UVSSA: variants seen among roughly 807,000 people sequenced by gnomAD.
UVSSA encodes the protein UV-stimulated scaffold protein A.
UVSSA carries 72 observed loss-of-function variants against 73.9 expected under a neutral mutation model. The ratio of observed to expected loss-of-function variants is 0.97; its 90% CI spans 0.81 to 1.19. The LOEUF (loss-of-function observed/expected upper bound fraction) is 1.19, where lower values mean the gene tolerates loss of function less well. UVSSA is among the 50% of genes most tolerant of loss of function. The probability of loss-of-function intolerance (pLI) is 0.00; values close to 1 mark genes in which losing one functional copy is unlikely to be tolerated. For missense variants in UVSSA, 1,150 were observed against 965.0 expected, an observed-to-expected ratio of 1.19 and a Z score of -2.54; for synonymous variants, 454 against 391.3, an observed-to-expected ratio of 1.16 and a Z score of -1.89.
rs1164718781 is a variant in UVSSA at position 1,386,615 on chromosome 4, C to G, written c.*654C>G. 1 of 152,334 alleles carries G rather than the reference C, an allele frequency of 6.6e-6. No homozygotes were observed. The highest frequency in any genetic ancestry group is 1.9e-4 in the East Asian group (1 of 5,202). 9.4% of individuals were successfully genotyped at this position (152,334 alleles called of 1,614,324 possible). On this transcript the variant is annotated 3_prime_UTR_variant, in exon 14 of 14. Coordinates refer to ENST00000389851, the MANE Select transcript of UVSSA (RefSeq NM_020894.4). Reference sequence around the variant, plus strand: ...ATTGGAGAAGGATACCGAACATCTTCTCGTGGGCTTACTGGCCATTTGTGT... The same window carrying G: ...ATTGGAGAAGGATACCGAACATCTTGTCGTGGGCTTACTGGCCATTTGTGT...
chr4:1,381,127 A>C, intron 12 of UVSSA, 139 bp downstream of exon 12: 1 of 815,210 alleles, frequency 1.2e-6, no homozygotes, highest in Non-Finnish European at 1.9e-6. Context: ...CTCGGTCATA[A>C]CTGGCAGAAT....
chr4:1,393,861 T>C (rs1024075608), exon 14 of UVSSA: 1 of 161,290 alleles, frequency 6.2e-6, no homozygotes, highest in African/African-American at 2.4e-5. Context: ...ACCTTTTGTT[T>C]AGTGTGTGTT....
chr4:1,395,739 G>A (rs1027654191), exon 14 of UVSSA: 2 of 1,614,098 alleles, frequency 1.2e-6, no homozygotes, highest in African/African-American at 1.3e-5. Context: ...TAGGTTTCCT[G>A]TCCTGCCGGC....
Position 1,368,593 on chromosome 4 carries a change from C to T in UVSSA, c.1288+2162C>T, listed in dbSNP as rs191625147. On this transcript the variant is annotated intron_variant, in intron 8 of 13. Transcript: ENST00000389851. ...TCCAGCCAAGGGGGCCGAGCGGCCT[C>T]GCAGCCCCTGCCGGGTGTGCTGGGA... Among the ~76,000 whole-genome samples, 269 of 152,366 alleles carry T rather than the reference C, an allele frequency of 1.8e-3. 2 individuals carry two copies. The highest frequency in any genetic ancestry group is 5.7e-3 in the African/African-American group (238 of 41,594).
At chr4:1,383,199 C>G (rs999874717) in intron 12 of UVSSA, among the ~76,000 whole-genome samples, 1 of 152,218 alleles carries the variant, frequency 6.6e-6, no homozygotes, top group Non-Finnish European at 1.5e-5. Flanking sequence ...TAGGAGAGCC[C>G]CAGCCTGCAT....
chr4:1,368,132 C>T (rs1336195629), intron 8 of UVSSA, among the ~76,000 whole-genome samples: 1 of 152,226 alleles, frequency 6.6e-6, no homozygotes, highest in African/African-American at 2.4e-5. Context: ...CTGTCCTGAC[C>T]TGGCCTGCTG....
chr4:1,349,732 A>C lies in UVSSA; in HGVS notation c.307A>C (p.Arg103=). 6.2e-7 allele frequency: 1 copy of C among 1,613,400 alleles called. No individual in the cohort carries two copies. Among genetic ancestry groups the C allele is most frequent in the South Asian group, 1.1e-5 (1 of 91,054 alleles). Residue 103 remains arginine, a synonymous_variant, in exon 3 of 14, where the codon AGG becomes CGG. Coordinates refer to ENST00000389851, the MANE Select transcript of UVSSA (RefSeq NM_020894.4). ...TDPAQPLPPP[R]EAAQRLRQAT... ...CCCCGCACAGCCTCTGCCGCCCCCC[A>C]GGGAGGCGGCACAGAGGCTGAGGCA...
chr4:1,373,661 C>G (rs1718404054), intron 8 of UVSSA, among the ~76,000 whole-genome samples: 1 of 152,294 alleles, frequency 6.6e-6, no homozygotes, highest in Non-Finnish European at 1.5e-5. Flanking sequence ...GAAAATGTGG[C>G]TCATTGTTTC....
rs761985102 is a variant in UVSSA, at chr4:1,354,780, A to G, written c.980A>G (p.His327Arg). The change falls in exon 6 of 14, where the codon CAC becomes CGC. Residue 327 changes from histidine to arginine, a missense_variant. Physicochemically the swap from His to Arg is conservative, Grantham distance 29. Coordinates refer to ENST00000389851, the MANE Select transcript of UVSSA (RefSeq NM_020894.4). ...QENEDNLALI[H>R]AARDTLKLIR... ...AACGAGGACAACCTTGCTCTCATCC[A>G]CGCCGCCCGCGACACACTCAAGCTC... The G allele has an allele frequency of 1.2e-6, 2 of 1,613,464 alleles. No individual in the cohort carries two copies. Among genetic ancestry groups the G allele is most frequent in the Non-Finnish European group, 1.7e-6 (2 of 1,179,946 alleles).
rs573591997 is a variant in UVSSA, at chr4:1,366,633, T to C, written c.1288+202T>C. On this transcript the variant is annotated intron_variant, in intron 8 of 13. Coordinates refer to ENST00000389851, the MANE Select transcript of UVSSA (RefSeq NM_020894.4). ...GTGTGTGTGCTTTTCCTCTACGTTC[T>C]GGCTCCGTCTCGGGTTCTCGGGCCT... Among the ~76,000 whole-genome samples the C allele has an allele frequency of 2.1e-4, 32 of 152,362 alleles. No individual in the cohort carries two copies. The South Asian group carries it at 6.4e-3, about 31-fold the overall frequency.
At position 1,348,172 on chromosome 4, in the gene UVSSA, A is replaced by G. The variant is rs950831722; in HGVS notation, c.81A>G (p.Glu27=). 3 of 1,613,672 alleles carry G rather than the reference A, an allele frequency of 1.9e-6. No individual in the cohort carries two copies. The highest frequency in any genetic ancestry group is 1.1e-5 in the South Asian group (1 of 91,090). ...EPRLNPEKMK[E]LKKICKSSEE... ...GACTAAATCCTGAGAAAATGAAGGA[A>G]CTGAAGAAAATTTGCAAGTATGTCT... The change falls in exon 2 of 14, where the codon GAA becomes GAG. Residue 27 remains glutamate, a synonymous_variant. Coordinates refer to ENST00000389851, the MANE Select transcript of UVSSA (RefSeq NM_020894.4).
At chr4:1,377,023 G>T (rs1409798819) in intron 10 of UVSSA, among the ~76,000 whole-genome samples, 1 of 152,260 alleles carries the variant, frequency 6.6e-6, no homozygotes, top group African/African-American at 2.4e-5. Context: ...TCAAGGGCCG[G>T]GCTGCCTGTG....
chr4:1,391,334 T>G (rs1720409472), downstream of UVSSA: 1 of 152,370 alleles, frequency 6.6e-6, no homozygotes, highest in African/African-American at 2.4e-5. Context: ...TATAGAAGCC[T>G]GTTAGGTCTG....
Position 1,383,959 on chromosome 4 carries a change from TCA to T in UVSSA, c.2036+21_2036+22del, listed in dbSNP as rs1387613106. ...TCGCCAAGTAAGAGTGGCTGCTGGG[TCA>T]CCTCCCACCGCGTGGCCCCCCCGTG... On this transcript the variant is annotated intron_variant, in intron 13 of 13. Coordinates refer to ENST00000389851, the MANE Select transcript of UVSSA (RefSeq NM_020894.4). 3 of 1,602,734 alleles carry T rather than the reference TCA, an allele frequency of 1.9e-6. No homozygotes were observed. Among genetic ancestry groups the T allele is most frequent in the Admixed American group, 3.4e-5 (2 of 59,316 alleles).
In UVSSA at chr4:1,351,845, C is replaced by A; in HGVS notation, c.550+10C>A. The A allele has an allele frequency of 6.2e-7, 1 of 1,612,278 alleles. No individual in the cohort carries two copies. The highest frequency in any genetic ancestry group is 8.5e-7 in the Non-Finnish European group (1 of 1,178,996). On this transcript the variant is annotated intron_variant, in intron 4 of 13. Coordinates refer to ENST00000389851, the MANE Select transcript of UVSSA (RefSeq NM_020894.4). ...GAGAGGGAGATGCAAGGCAAGTGTC[C>A]AGGACGGAGGGAGGGGCCCACGCCT...
intron 7 of UVSSA, among the ~76,000 whole-genome samples, chr4:1,362,753 C>T (rs187134009): frequency 5.3e-5 from 8 of 152,284 alleles, no homozygotes; most frequent in East Asian, 3.9e-4. Context: ...GAACTGGAGG[C>T]GTGTGGGACC....
At chr4:1,382,730 C>T (rs1476753495) in intron 12 of UVSSA, among the ~76,000 whole-genome samples, 1 of 152,208 alleles carries the variant, frequency 6.6e-6, no homozygotes, top group Non-Finnish European at 1.5e-5. Context: ...CGTATTCCTT[C>T]ACTTCAAAGA....
Position 1,380,123 on chromosome 4 carries a change from C to T in UVSSA, c.1645C>T (p.Leu549Phe). The T allele has an allele frequency of 6.2e-7, 1 of 1,613,002 alleles. No individual in the cohort carries two copies. Among genetic ancestry groups the T allele is most frequent in the Non-Finnish European group, 8.5e-7 (1 of 1,179,980 alleles). Residue 549 changes from leucine to phenylalanine, a missense_variant, in exon 11 of 14, where the codon CTC becomes TTC. Coordinates refer to ENST00000389851, the MANE Select transcript of UVSSA (RefSeq NM_020894.4). ...EVVNADISEM[L>F]RSRHITFAGK... ...GGTCAATGCCGACATCTCCGAGATG[C>T]TCCGGAGCCGCCACATCACTTTTGC...
exon 14 of UVSSA, chr4:1,394,264 T>A: frequency 2.6e-6 from 2 of 760,666 alleles, no homozygotes; most frequent in East Asian, 2.7e-5. Flanking sequence ...TCCTCAGATC[T>A]TCCTTTCATG....
Sources: allele counts gnomAD v4.1 joint callset (sites outside exome capture counted in the v4.1 genomes callset), GRCh38; gene constraint gnomAD v4.1.1; transcripts MANE v1.5; gene names NCBI Gene and HGNC (gene_info 2026-07-23, HGNC 2026-07-21).